ADGRL3: variants seen among roughly 807,000 people sequenced by gnomAD.
The protein encoded by ADGRL3 is calcium-independent alpha-latrotoxin receptor 3.
In ADGRL3, 62 loss-of-function variants were observed where a neutral mutation model predicts 153.5. The observed-to-expected ratio is 0.40, with a 90% CI of 0.33 to 0.50. The LOEUF (loss-of-function observed/expected upper bound fraction) is 0.50. Ranked by LOEUF, ADGRL3 falls within the 20% of genes least tolerant of loss-of-function variation. ADGRL3 has a pLI of 0.47. For missense variants in ADGRL3, 1,641 were observed against 1,859.4 expected, an observed-to-expected ratio of 0.88 and a Z score of 2.16; for synonymous variants, 710 against 672.5, an observed-to-expected ratio of 1.06 and a Z score of -0.86.
rs551437174 is a variant in ADGRL3 at position 61,465,046 on chromosome 4, C to T, written c.-173-32075C>T. 2.0e-4 allele frequency among the ~76,000 whole-genome samples: 30 copies of T among 152,186 alleles called. No individual in the cohort carries two copies. The East Asian group carries it at 2.1e-3, about 11-fold the overall frequency. On this transcript the variant is annotated intron_variant, in intron 2 of 26. Coordinates refer to ENST00000683033, the MANE Select transcript of ADGRL3 (RefSeq NM_001387552.1). ...GGAATGGGGTCCCGATGCTCAACCA[C>T]GGGATCCTGATGTCAGAGTATATTG...
intron 1 of ADGRL3, among the ~76,000 whole-genome samples, chr4:61,232,319 T>G (rs1424838225): frequency 6.6e-6 from 1 of 152,088 alleles, no homozygotes; most frequent in African/African-American, 2.4e-5. Flanking sequence ...TTCATTTTTT[T>G]TTTTTTGAGA....
At chr4:61,653,281 CT>C (rs1262479233) in intron 5 of ADGRL3, among the ~76,000 whole-genome samples, 1 of 152,062 alleles carries the variant, frequency 6.6e-6, no homozygotes, top group East Asian at 1.9e-4. Flanking sequence ...GAAACCAAGC[CT>C]GCTGGGCCTT....
intron 25 of ADGRL3, among the ~76,000 whole-genome samples, chr4:62,060,974 A>G (rs1456161249): frequency 3.3e-5 from 5 of 151,940 alleles, no homozygotes; most frequent in Admixed American, 6.6e-5. Flanking sequence ...ACAGGATGCA[A>G]TCACATGAGT....
At chr4:61,261,193 T>C (rs141227388) in intron 1 of ADGRL3, among the ~76,000 whole-genome samples, 52,127 of 145,478 alleles carry the variant, frequency 0.36, 9,639 homozygotes, top group Non-Finnish European at 0.42. Flanking sequence ...CTTCTTCTTT[T>C]TTTTTTTTTT....
intron 17 of ADGRL3, among the ~76,000 whole-genome samples, chr4:61,961,832 G>T (rs2098988931): frequency 6.6e-6 from 1 of 152,022 alleles, no homozygotes; most frequent in Admixed American, 6.6e-5. Context: ...TGGATTTGAA[G>T]AAAAACAAAC....
intron 2 of ADGRL3, among the ~76,000 whole-genome samples, chr4:61,393,006 T>G (rs1018262099): frequency 1.3e-5 from 2 of 152,098 alleles, no homozygotes; most frequent in African/African-American, 4.8e-5. Context: ...TTTTCGAATG[T>G]GGTTCCTATT....
chr4:61,773,169 G>T (rs911532043), intron 8 of ADGRL3, among the ~76,000 whole-genome samples: 7 of 152,132 alleles, frequency 4.6e-5, no homozygotes, highest in Non-Finnish European at 8.8e-5. Context: ...TGTCCAGGTG[G>T]ATAATACCGA....
At chr4:61,607,602 C>G (rs1560926388) in intron 5 of ADGRL3, among the ~76,000 whole-genome samples, 1 of 151,816 alleles carries the variant, frequency 6.6e-6, no homozygotes, top group African/African-American at 2.4e-5. Flanking sequence ...CCCAAACAAA[C>G]AAACAAACAA....
At chr4:61,608,449 C>T (rs1030610725) in intron 5 of ADGRL3, among the ~76,000 whole-genome samples, 5 of 152,024 alleles carry the variant, frequency 3.3e-5, no homozygotes, top group African/African-American at 1.2e-4. Flanking sequence ...CCAAACAAAA[C>T]CCCAAAACAA....
intron 1 of ADGRL3, among the ~76,000 whole-genome samples, chr4:61,267,060 C>T (rs1179048971): frequency 6.6e-6 from 1 of 151,506 alleles, no homozygotes; most frequent in Non-Finnish European, 1.5e-5. Flanking sequence ...GAATGTCATA[C>T]TTAAAACATA....
chr4:61,594,336 G>C (rs2098980786), intron 5 of ADGRL3, among the ~76,000 whole-genome samples: 1 of 152,084 alleles, frequency 6.6e-6, no homozygotes, highest in Non-Finnish European at 1.5e-5. Context: ...ATGAGGTCCT[G>C]TTTTCCTGGA....
chr4:61,886,424 G>T (rs1448986996), intron 9 of ADGRL3, among the ~76,000 whole-genome samples: 4 of 152,114 alleles, frequency 2.6e-5, no homozygotes, highest in Non-Finnish European at 5.9e-5. Flanking sequence ...AGGGTGGGGA[G>T]AAGGAAATGC....
At chr4:61,630,485 A>G (rs959293112) in intron 5 of ADGRL3, among the ~76,000 whole-genome samples, 2 of 152,194 alleles carry the variant, frequency 1.3e-5, no homozygotes, top group African/African-American at 4.8e-5. Flanking sequence ...AGAAATCTAC[A>G]TGCTGTTGGT....
intron 1 of ADGRL3, among the ~76,000 whole-genome samples, chr4:61,335,977 T>C (rs2095666457): frequency 6.6e-6 from 1 of 152,208 alleles, no homozygotes; most frequent in Admixed American, 6.5e-5. Context: ...AAAATTCATT[T>C]CATGGATAAT....
At chr4:61,525,450 C>A (rs1301710085) in intron 4 of ADGRL3, among the ~76,000 whole-genome samples, 1 of 152,062 alleles carries the variant, frequency 6.6e-6, no homozygotes, top group Non-Finnish European at 1.5e-5. Flanking sequence ...TTGTAGCTAC[C>A]TTAGAAGGGG....
chr4:61,299,194 A>G (rs1400742829), intron 1 of ADGRL3, among the ~76,000 whole-genome samples: 1 of 151,668 alleles, frequency 6.6e-6, no homozygotes, highest in Non-Finnish European at 1.5e-5. Context: ...CTTAGATTTC[A>G]GTGGCATCGT....
rs771678917 is a variant in ADGRL3, at chr4:62,044,455, C to T, written c.3720C>T (p.Ser1240=). 2 of 1,584,046 alleles carry T rather than the reference C, an allele frequency of 1.3e-6. No homozygotes were observed. The highest frequency in any genetic ancestry group is 1.2e-5 in the South Asian group (1 of 86,320). ...TPGRYSTGSQ[S]RIRRMWNDTV... is the part of the protein sequence containing the mutation. ...TTTCTGCCTTTTCCCCCACCCAGAG[C>T]CGAATCCGTAGAATGTGGAATGACA... The change falls in exon 25 of 27, where the codon AGC becomes AGT. Residue 1240 remains serine (S), a splice_region_variant and synonymous_variant. Coordinates refer to ENST00000683033, the MANE Select transcript of ADGRL3 (RefSeq NM_001387552.1).
At chr4:61,592,474 G>A (rs992915039) in intron 5 of ADGRL3, among the ~76,000 whole-genome samples, 1 of 152,206 alleles carries the variant, frequency 6.6e-6, no homozygotes, top group African/African-American at 2.4e-5. Context: ...GAAAGGCATA[G>A]AACCTATAAT....
rs931493784 is a variant in ADGRL3, at chr4:61,984,017, C to A, written c.3236+414C>A. Among the ~76,000 whole-genome samples, 23 of 152,132 alleles carry A rather than the reference C, an allele frequency of 1.5e-4. 1 individual carries two copies. The highest frequency in any genetic ancestry group is 1.4e-3 in the Admixed American group (22 of 15,264). On this transcript the variant is annotated intron_variant, in intron 19 of 26. Transcript: ENST00000683033. ...ACTGGAAAGCCTTTTATGTCATCAA[C>A]AGAAAGAGTATAGGAGCAGGGACAG...
Sources: gnomAD v4.1 joint callset for allele counts (sites outside exome capture counted in the v4.1 genomes callset) on GRCh38, gnomAD v4.1.1 for gene constraint, MANE v1.5 for transcripts, NCBI Gene and HGNC (gene_info 2026-07-23, HGNC 2026-07-21) for gene names.